The following PCDHA2 variants were observed in gnomAD, a reference collection of about 807,000 sequenced individuals.
PCDHA2 encodes the protein protocadherin alpha-2.
A neutral mutation model predicts 66.0 loss-of-function variants in PCDHA2; 58 were observed. The observed-to-expected ratio is 0.88, with a 90% CI of 0.71 to 1.09. PCDHA2 has a LOEUF of 1.09. Ranked by LOEUF, PCDHA2 falls within the 50% of genes least tolerant of loss-of-function variation. The pLI is 0.00. For missense variants in PCDHA2, 1,267 were observed against 1,242.3 expected, an observed-to-expected ratio of 1.02 and a Z score of -0.30; for synonymous variants, 634 against 554.0, an observed-to-expected ratio of 1.14 and a Z score of -2.03.
chr5:140,815,532 T>TTA (rs1562243795), intron 1 of PCDHA2: 1 of 151,194 alleles, frequency 6.6e-6, no homozygotes, highest in Non-Finnish European at 1.5e-5. Context: ...ATATTGTGTA[T>TTA]ACATTATTTT....
In PCDHA2 at chr5:140,857,751, C is replaced by T. The variant is rs2044861068; in HGVS notation, c.2388+60399C>T. The T allele has an allele frequency of 3.1e-6, 5 of 1,597,310 alleles. 1 individual carries two copies. Among genetic ancestry groups the T allele is most frequent in the East Asian group, 4.5e-5 (2 of 44,822 alleles). ...AACGCTCCCGCGCTGCTGGCGTCTCCCGCTGGCAGCGCGGGCGGTGCAGTC... is the reference window on the plus strand; with the variant it reads ...AACGCTCCCGCGCTGCTGGCGTCTCTCGCTGGCAGCGCGGGCGGTGCAGTC... On this transcript the variant is annotated intron_variant, in intron 1 of 3. Coordinates refer to ENST00000526136, the MANE Select transcript of PCDHA2 (RefSeq NM_018905.3).
chr5:140,840,409 T>C (rs1242037387), intron 1 of PCDHA2, among the ~76,000 whole-genome samples: 1 of 151,904 alleles, frequency 6.6e-6, no homozygotes, highest in East Asian at 1.9e-4. Context: ...TAAGAATACT[T>C]CAAATAATAG....
At position 141,009,867 on chromosome 5, in the gene PCDHA2, A is replaced by C. The variant is rs374660085; in HGVS notation, c.2777A>C (p.Lys926Thr). 4.3e-6 allele frequency: 7 copies of C among 1,613,976 alleles called. No individual in the cohort carries two copies. The African/African-American group carries it at 9.3e-5, about 22-fold the overall frequency. ...GAGGAGACCAAGAAAAAGAAGAAAA[A>C]GAAGAAGGGTAACAAGACCCAGGAG... Reference protein sequence around the residue: ...KKEETKKKKKKKKGNKTQEKK... With the variant: ...KKEETKKKKKTKKGNKTQEKK... Residue 926 changes from lysine (K) to threonine (T), a missense_variant, in exon 4 of 4, where the codon AAG becomes ACG. Coordinates refer to ENST00000526136, the MANE Select transcript of PCDHA2 (RefSeq NM_018905.3).
intron 1 of PCDHA2, chr5:140,836,792 G>T (rs2150269946): frequency 7.1e-7 from 1 of 1,416,460 alleles, no homozygotes; most frequent in Non-Finnish European, 9.6e-7. Context: ...AGTTCAATTG[G>T]TCTCCTTAAA....
intron 1 of PCDHA2, among the ~76,000 whole-genome samples, chr5:140,905,837 G>A (rs1433117944): frequency 1.3e-5 from 2 of 152,148 alleles, no homozygotes; most frequent in African/African-American, 2.4e-5. Context: ...ATAAAGGGGA[G>A]TTTATTAAGG....
At chr5:140,893,050 A>G (rs967159859) in intron 1 of PCDHA2, among the ~76,000 whole-genome samples, 1 of 152,248 alleles carries the variant, frequency 6.6e-6, no homozygotes, top group Non-Finnish European at 1.5e-5. Context: ...CTCCAGGCTC[A>G]GCCATACTGC....
At chr5:140,884,543 T>A (rs1582792528) in intron 1 of PCDHA2, 1 of 1,614,034 alleles carries the variant, frequency 6.2e-7, no homozygotes, top group Non-Finnish European at 8.5e-7. Flanking sequence ...GCCGAGGGTG[T>A]GCTCTGGGGA....
chr5:141,010,274 T>C lies in PCDHA2; in HGVS notation c.*337T>C, dbSNP rs1554262865. On this transcript the variant is annotated 3_prime_UTR_variant, in exon 4 of 4. Coordinates refer to ENST00000526136, the MANE Select transcript of PCDHA2 (RefSeq NM_018905.3). ...TCTGCCCTGTGCTCCGGGGATCCTG[T>C]CTTGATGACACTTGCAGGGCAGGCT... is the stretch of plus-strand genomic sequence containing the variant. The C allele has an allele frequency of 6.4e-7, 1 of 1,551,424 alleles. No homozygotes were observed. Among genetic ancestry groups the C allele is most frequent in the Admixed American group, 2.0e-5 (1 of 50,930 alleles).
chr5:140,916,202 C>A lies in PCDHA2; in HGVS notation c.2389-62747C>A, dbSNP rs185433174. 8.0e-3 allele frequency among the ~76,000 whole-genome samples: 1,218 copies of A among 152,262 alleles called. 6 individuals carry two copies. Among genetic ancestry groups the A allele is most frequent in the African/African-American group, 0.019 (787 of 41,550 alleles). The stretch of plus-strand genomic sequence containing the variant: ...TTCAAGGAAGTGGGCACCCCTCTGC[C>A]CTGGGGAAGATCCAAATATGCTTTC... On this transcript the variant is annotated intron_variant, in intron 1 of 3. Coordinates refer to ENST00000526136, the MANE Select transcript of PCDHA2 (RefSeq NM_018905.3).
intron 1 of PCDHA2, among the ~76,000 whole-genome samples, chr5:140,900,607 C>T (rs1340239730): frequency 6.6e-6 from 1 of 152,170 alleles, no homozygotes; most frequent in Non-Finnish European, 1.5e-5. Context: ...TGATGATGGA[C>T]ATGTAGATTG....
chr5:140,809,402 C>A, intron 1 of PCDHA2: 1 of 1,614,178 alleles, frequency 6.2e-7, no homozygotes, highest in Non-Finnish European at 8.5e-7. Context: ...CAAGCCCACG[C>A]TGGTGTGCTC....
At chr5:140,948,735 A>C (rs756182090) in intron 1 of PCDHA2, among the ~76,000 whole-genome samples, 3 of 151,562 alleles carry the variant, frequency 2.0e-5, no homozygotes, top group Non-Finnish European at 4.4e-5. Flanking sequence ...AGTCTAGCTG[A>C]GAATTTATCA....
At chr5:140,881,471 G>T (rs1420508750) in intron 1 of PCDHA2, 1 of 555,772 alleles carries the variant, frequency 1.8e-6, no homozygotes, top group Non-Finnish European at 2.3e-6. Flanking sequence ...CATTGTTGTG[G>T]CTAAATTATT....
intron 3 of PCDHA2, among the ~76,000 whole-genome samples, chr5:141,000,413 A>AT (rs2097920175): frequency 1.1e-5 from 1 of 93,256 alleles, no homozygotes; most frequent in African/African-American, 4.5e-5. Context: ...ATATATATAT[A>AT]TATATATATT....
intron 1 of PCDHA2, chr5:140,966,946 C>T: frequency 6.2e-7 from 1 of 1,603,486 alleles, no homozygotes; most frequent in Non-Finnish European, 8.5e-7. Flanking sequence ...TCGTGGGCAA[C>T]GTGGCTCGCG....
At chr5:140,807,801 C>G (rs782056776) in intron 1 of PCDHA2, 1 of 1,614,136 alleles carries the variant, frequency 6.2e-7, no homozygotes, top group Admixed American at 1.7e-5. Flanking sequence ...AGAGAAGAAG[C>G]TCCGGAGATT....
At chr5:140,970,862 T>C (rs2153787404) in intron 1 of PCDHA2, among the ~76,000 whole-genome samples, 1 of 152,312 alleles carries the variant, frequency 6.6e-6, no homozygotes, top group South Asian at 2.1e-4. Flanking sequence ...GTTCCATTCC[T>C]GATTGAGAGT....
chr5:140,867,681 A>G (rs759356211), intron 1 of PCDHA2: 2 of 152,096 alleles, frequency 1.3e-5, no homozygotes, highest in African/African-American at 2.4e-5. Flanking sequence ...ATTTTGTTGC[A>G]TCTTCTTTTT....
rs1237282908 is a variant in PCDHA2, at chr5:140,877,400, C to T, written c.2388+80048C>T. ...CGCATCCTGGATGAGGCGGACGCTC[C>T]GCGCCACCGCCTGCTGGTGCTGGTG... On this transcript the variant is annotated intron_variant, in intron 1 of 3. Coordinates refer to ENST00000526136, the MANE Select transcript of PCDHA2 (RefSeq NM_018905.3). The T allele has an allele frequency of 7.4e-6, 12 of 1,613,804 alleles. No homozygotes were observed. The Admixed American group carries it at 1.8e-4, about 25-fold the overall frequency.
Sources: gnomAD v4.1 joint callset for allele counts (sites outside exome capture counted in the v4.1 genomes callset) on GRCh38, gnomAD v4.1.1 for gene constraint, MANE v1.5 for transcripts, NCBI Gene and HGNC (gene_info 2026-07-23, HGNC 2026-07-21) for gene names.